UNC13C: variants seen among roughly 807,000 people sequenced by gnomAD.
UNC13C encodes the protein unc-13 homolog C.
Under a neutral mutation model 245.4 loss-of-function variants are expected in UNC13C, and 174 were observed. That is an observed-to-expected ratio of 0.71 (90% CI 0.63 to 0.80). UNC13C has a LOEUF of 0.80. Among genes scored for constraint, UNC13C ranks in the 30% least tolerant of loss-of-function variants. UNC13C has a pLI of 0.00. For missense variants in UNC13C, 2,829 were observed against 2,602.9 expected, an observed-to-expected ratio of 1.09 and a Z score of -1.89; for synonymous variants, 992 against 895.1, an observed-to-expected ratio of 1.11 and a Z score of -1.93.
At chr15:54,585,651 C>T (rs1009778988) in intron 30 of UNC13C, among the ~76,000 whole-genome samples, 2 of 152,088 alleles carry the variant, frequency 1.3e-5, no homozygotes, top group African/African-American at 2.4e-5. Flanking sequence ...CCTCCTAACC[C>T]GGAAAACTTC....
chr15:54,205,520 C>T (rs971041529), intron 4 of UNC13C, among the ~76,000 whole-genome samples: 3 of 152,008 alleles, frequency 2.0e-5, no homozygotes, highest in Non-Finnish European at 2.9e-5. Context: ...ACCTGCCACA[C>T]AGTAAAGGCT....
At chr15:54,567,749 TCTTCCAATA>T in intron 29 of UNC13C, 42 bp from the exon 30 acceptor site, 2 of 1,480,264 alleles carry the variant, frequency 1.4e-6, no homozygotes, top group Non-Finnish European at 1.8e-6. Flanking sequence ...ATAAATTCTG[TCTTCCAATA>T]CTTCTCTCTA....
chr15:54,610,224 G>A (rs904779748), intron 30 of UNC13C, among the ~76,000 whole-genome samples: 1 of 151,982 alleles, frequency 6.6e-6, no homozygotes, highest in African/African-American at 2.4e-5. Flanking sequence ...ACTACTTATA[G>A]ACATATCGGT....
At chr15:54,574,837 A>G (rs1330541172) in intron 30 of UNC13C, among the ~76,000 whole-genome samples, 7 of 152,094 alleles carry the variant, frequency 4.6e-5, no homozygotes, top group African/African-American at 1.7e-4. Context: ...GATCATTTTA[A>G]TAACCTGTAT....
intron 4 of UNC13C, among the ~76,000 whole-genome samples, chr15:54,172,539 G>A (rs182594431): frequency 7.3e-5 from 11 of 151,092 alleles, no homozygotes; most frequent in Admixed American, 2.6e-4. Flanking sequence ...GTAGTATACC[G>A]TTGTATAAAT....
chr15:54,384,310 C>T (rs1051488180), intron 17 of UNC13C, among the ~76,000 whole-genome samples: 6 of 152,006 alleles, frequency 3.9e-5, no homozygotes, highest in South Asian at 2.1e-4. Flanking sequence ...TGAAAGTAAA[C>T]ACATAGACCA....
upstream of UNC13C, among the ~76,000 whole-genome samples, chr15:53,973,450 G>A (rs910251841): frequency 4.6e-5 from 7 of 152,128 alleles, no homozygotes; most frequent in African/African-American, 1.7e-4. Flanking sequence ...GCTTAGAAAT[G>A]TTAAGAAACT....
chr15:54,568,171 C>G (rs558847045), intron 30 of UNC13C, among the ~76,000 whole-genome samples: 1 of 151,880 alleles, frequency 6.6e-6, no homozygotes, highest in Non-Finnish European at 1.5e-5. Context: ...AATACTAAAG[C>G]TCTATGGAAT....
At chr15:54,257,341 A>G (rs539596753) in intron 8 of UNC13C, among the ~76,000 whole-genome samples, 34 of 152,326 alleles carry the variant, frequency 2.2e-4, no homozygotes, top group African/African-American at 8.2e-4. Context: ...ATGACTGGGC[A>G]ACCTCTAGAA....
chr15:54,526,456 G>T (rs1398996549), intron 25 of UNC13C, among the ~76,000 whole-genome samples: 1 of 152,142 alleles, frequency 6.6e-6, no homozygotes, highest in African/African-American at 2.4e-5. Context: ...TCAGGGCCGG[G>T]TACGGTGGCT....
Position 54,002,876 on chromosome 15 carries a change from T to C in UNC13C, c.-256-9772T>C, listed in dbSNP as rs114837956. Among the ~76,000 whole-genome samples, 1,431 of 152,296 alleles carry C rather than the reference T, an allele frequency of 9.4e-3. 22 individuals are homozygous for C. Among genetic ancestry groups the C allele is most frequent in the African/African-American group, 0.033 (1,353 of 41,550 alleles). On this transcript the variant is annotated intron_variant, in intron 1 of 32. Transcript: ENST00000260323. Reference sequence around the variant, plus strand: ...GAAGGTGCCAAACCCTGGGATGTGATTGCTATAGAGGAAAGGCAGCACAGC... The same window carrying C: ...GAAGGTGCCAAACCCTGGGATGTGACTGCTATAGAGGAAAGGCAGCACAGC...
downstream of UNC13C, chr15:54,632,347 G>C (rs1246437933): frequency 6.6e-6 from 1 of 152,130 alleles, no homozygotes; most frequent in Non-Finnish European, 1.5e-5. Flanking sequence ...AGTCGAATTT[G>C]ATGAAATCAT....
the UNC13C span, among the ~76,000 whole-genome samples, chr15:53,884,523 A>C: frequency 6.6e-6 from 1 of 152,038 alleles, no homozygotes; most frequent in South Asian, 2.1e-4. Flanking sequence ...TTTTGGAGAA[A>C]TGGGGCTCAC....
intron 17 of UNC13C, among the ~76,000 whole-genome samples, chr15:54,342,372 C>G (rs1035921712): frequency 9.9e-5 from 15 of 152,128 alleles, no homozygotes; most frequent in African/African-American, 3.6e-4. Context: ...CTTGGGCAAC[C>G]TGGGCAACAT....
intron 8 of UNC13C, among the ~76,000 whole-genome samples, chr15:54,254,300 T>C (rs2036224797): frequency 6.6e-6 from 1 of 152,256 alleles, no homozygotes; most frequent in African/African-American, 2.4e-5. Flanking sequence ...GTGGTATTTT[T>C]CCTGGACTCA....
intron 20 of UNC13C, among the ~76,000 whole-genome samples, chr15:54,496,595 G>GTATATATATA (rs534838089): frequency 6.6e-6 from 1 of 151,138 alleles, no homozygotes; most frequent in East Asian, 1.9e-4. Context: ...GTGTGTGTGT[G>GTATATATATA]TATATATATA....
chr15:54,218,155 A>T (rs767473298), intron 4 of UNC13C, among the ~76,000 whole-genome samples: 1 of 151,928 alleles, frequency 6.6e-6, no homozygotes, highest in Non-Finnish European at 1.5e-5. Context: ...GTTCTCAGAC[A>T]TTTTTCTGCT....
chr15:53,941,849 A>G, the UNC13C span, among the ~76,000 whole-genome samples: 1 of 152,154 alleles, frequency 6.6e-6, no homozygotes. Flanking sequence ...ATCAAAACCA[A>G]AATAAGATGC....
At position 54,454,505 on chromosome 15, in the gene UNC13C, G is replaced by A. The variant is rs566626317; in HGVS notation, c.4933+39438G>A. Among the ~76,000 whole-genome samples the A allele has an allele frequency of 3.2e-4, 49 of 151,702 alleles. No homozygotes were observed. In the South Asian group the frequency reaches 5.0e-3, roughly 15 times the overall value. Reference sequence around the variant, plus strand: ...AGGCTGGAGAATCACTTGAACCCGGGAGGTGGAGGTTGCAGTGAGCTGAGA... The same window carrying A: ...AGGCTGGAGAATCACTTGAACCCGGAAGGTGGAGGTTGCAGTGAGCTGAGA... On this transcript the variant is annotated intron_variant, in intron 19 of 32. Transcript: ENST00000260323.
Sources: allele counts gnomAD v4.1 joint callset (sites outside exome capture counted in the v4.1 genomes callset), GRCh38; gene constraint gnomAD v4.1.1; transcripts MANE v1.5; gene names NCBI Gene and HGNC (gene_info 2026-07-23, HGNC 2026-07-21).